PCDH11X: variants seen among roughly 807,000 people sequenced by gnomAD.
PCDH11X encodes the protein protocadherin 11 X-linked, also known as protocadherin-11 X-linked.
Under a neutral mutation model 53.3 loss-of-function variants are expected in PCDH11X, and 18 were observed. That is an observed-to-expected ratio of 0.34 (90% CI 0.23 to 0.50). The LOEUF is 0.50. PCDH11X is among the 20% of genes least tolerant of loss of function. The probability of loss-of-function intolerance (pLI) is 0.98; values close to 1 mark genes in which losing one functional copy is unlikely to be tolerated. For missense variants in PCDH11X, 570 were observed against 1,032.4 expected (o/e 0.55, Z 6.14); for synonymous variants, 279 against 393.3 (o/e 0.71, Z 3.44).
At chrX:92,089,524 A>T (rs1400051202) in intron 6 of PCDH11X, among the ~76,000 whole-genome samples, 2 of 109,855 alleles carry the variant, frequency 1.8e-5, no homozygotes, top group Non-Finnish European at 3.8e-5. Context: ...ATTATTTTTT[A>T]TTTTTTTTTC....
chrX:91,942,603 C>T (rs996442716), intron 6 of PCDH11X, among the ~76,000 whole-genome samples: 3 of 110,833 alleles, frequency 2.7e-5, no homozygotes, highest in Non-Finnish European at 3.8e-5. Context: ...GCCCATATGG[C>T]TTCACTTGTC....
At position 91,821,223 on chromosome X, in the gene PCDH11X, G is replaced by A. The variant is rs1166643253; in HGVS notation, c.-45+9928G>A. On this transcript the variant is annotated intron_variant, in intron 4 of 10. Coordinates refer to ENST00000682573, the MANE Select transcript of PCDH11X (RefSeq NM_032968.5). ...AATTCTGTGAAGAAAGGCATTGGTA[G>A]CTTGATGGGGATGGCATTGAATCTG... is the stretch of plus-strand genomic sequence containing the variant. Among the ~76,000 whole-genome samples the A allele has an allele frequency of 5.4e-5, 6 of 110,439 alleles. No individual in the cohort carries two copies. In the Admixed American group the frequency reaches 5.8e-4, roughly 11 times the overall value.
In PCDH11X at chrX:92,323,103, A is replaced by G. The variant is rs183373732; in HGVS notation, c.3144+59960A>G. ...TTAACAAGCAAGTGCATTGTAATAA[A>G]CAAATACTTTATAGAGATTTAATGG... On this transcript the variant is annotated intron_variant, in intron 8 of 10. Transcript: ENST00000682573. 1.6e-3 allele frequency among the ~76,000 whole-genome samples: 179 copies of G among 110,614 alleles called. 5 individuals are homozygous for G. The East Asian group carries it at 0.042, about 26-fold the overall frequency.
chrX:92,287,295 C>T (rs2068395948), intron 8 of PCDH11X, among the ~76,000 whole-genome samples: 1 of 111,173 alleles, frequency 9.0e-6, no homozygotes, highest in African/African-American at 3.3e-5. Context: ...AGGTTTTAAG[C>T]CCACATATAT....
At chrX:92,301,146 C>T (rs759886353) in intron 8 of PCDH11X, among the ~76,000 whole-genome samples, 84 of 111,243 alleles carry the variant, frequency 7.6e-4, no homozygotes, top group South Asian at 1.9e-3. Context: ...GCCAGGGCCA[C>T]GATGTTGGAG....
intron 7 of PCDH11X, among the ~76,000 whole-genome samples, chrX:92,245,208 AG>A (rs1207475529): frequency 8.9e-6 from 1 of 112,703 alleles, no homozygotes; most frequent in Non-Finnish European, 1.9e-5. Flanking sequence ...TTTTAAATAA[AG>A]CTCAGACCCT....
intron 10 of PCDH11X, among the ~76,000 whole-genome samples, chrX:92,612,536 G>A (rs1280709555): frequency 9.1e-6 from 1 of 109,977 alleles, no homozygotes; most frequent in Non-Finnish European, 1.9e-5. Context: ...TCAATAGTTT[G>A]TATGATTTCA....
chrX:92,285,224 G>A (rs1251039603), intron 8 of PCDH11X, among the ~76,000 whole-genome samples: 1 of 102,234 alleles, frequency 9.8e-6, no homozygotes, highest in African/African-American at 3.5e-5. Context: ...TATAGAGTAT[G>A]GATTTTCTGT....
At chrX:91,964,299 A>G (rs190535403) in intron 6 of PCDH11X, among the ~76,000 whole-genome samples, 67 of 110,199 alleles carry the variant, frequency 6.1e-4, no homozygotes, top group African/African-American at 2.1e-3. Flanking sequence ...CAGAAATATA[A>G]AAAAGAATTC....
chrX:92,089,464 C>G (rs1337413547), intron 6 of PCDH11X, among the ~76,000 whole-genome samples: 1 of 111,787 alleles, frequency 8.9e-6, no homozygotes, highest in East Asian at 2.8e-4. Flanking sequence ...AAATAAAAAC[C>G]CACATTCTAC....
At chrX:92,102,247 A>G (rs2064273379) in intron 6 of PCDH11X, among the ~76,000 whole-genome samples, 1 of 111,133 alleles carries the variant, frequency 9.0e-6, no homozygotes, top group African/African-American at 3.3e-5. Context: ...AGATTTTGGA[A>G]GTTATGAGAA....
intron 9 of PCDH11X, among the ~76,000 whole-genome samples, chrX:92,429,476 G>T (rs2148623428): frequency 9.2e-6 from 1 of 108,838 alleles, no homozygotes; most frequent in East Asian, 3.0e-4. Flanking sequence ...GAAAGCCAAG[G>T]TCAAGGAGTG....
chrX:92,503,372 T>C (rs986166464), intron 10 of PCDH11X, among the ~76,000 whole-genome samples: 3 of 106,356 alleles, frequency 2.8e-5, no homozygotes, highest in African/African-American at 1.0e-4. Context: ...ATCTCATGAC[T>C]GGATATATAC....
intron 1 of PCDH11X, among the ~76,000 whole-genome samples, chrX:91,805,660 A>T (rs1308947959): frequency 1.2e-5 from 1 of 86,188 alleles, no homozygotes; most frequent in Non-Finnish European, 2.3e-5. Flanking sequence ...TACAAAAAAC[A>T]TTTTTTTTTT....
intron 1 of PCDH11X, among the ~76,000 whole-genome samples, chrX:91,784,013 A>C (rs1261414884): frequency 8.9e-6 from 1 of 112,103 alleles, no homozygotes; most frequent in Non-Finnish European, 1.9e-5. Flanking sequence ...GCTAGCCAAG[A>C]AATGTATCTG....
chrX:91,886,925 G>C (rs553434420), intron 6 of PCDH11X, among the ~76,000 whole-genome samples: 243 of 100,362 alleles, frequency 2.4e-3, no homozygotes, highest in South Asian at 8.7e-3. Context: ...GAGCCAAGAT[G>C]GCGCCACTGC....
intron 6 of PCDH11X, among the ~76,000 whole-genome samples, chrX:92,112,222 A>G (rs1261593699): frequency 2.7e-5 from 3 of 109,876 alleles, no homozygotes; most frequent in Non-Finnish European, 5.7e-5. Context: ...CAGAACAGGC[A>G]AGATAAGACA....
At chrX:92,113,903 T>C in intron 6 of PCDH11X, 3 of 1,201,601 alleles carry the variant, frequency 2.5e-6, no homozygotes, top group Non-Finnish European at 3.4e-6. Context: ...CGGCTTAACA[T>C]TTCGTCAGCT....
At chrX:91,932,722 GAGAT>G (rs1409842290) in intron 6 of PCDH11X, among the ~76,000 whole-genome samples, 2 of 111,134 alleles carry the variant, frequency 1.8e-5, no homozygotes, top group Admixed American at 9.5e-5. Flanking sequence ...GCCTGAGAAA[GAGAT>G]AGAGGGAGAG....
Sources: gnomAD v4.1 joint callset for allele counts (sites outside exome capture counted in the v4.1 genomes callset) on GRCh38, gnomAD v4.1.1 for gene constraint, MANE v1.5 for transcripts, NCBI Gene and HGNC (gene_info 2026-07-23, HGNC 2026-07-21) for gene names.